The following SNX14 variants were observed in gnomAD, a reference collection of about 807,000 sequenced individuals.
SNX14 encodes the protein sorting nexin 14.
SNX14 carries 93 observed loss-of-function variants against 133.8 expected under a neutral mutation model. That is an observed-to-expected ratio of 0.70 (90% CI 0.59 to 0.83). The LOEUF is 0.83. SNX14 is among the 40% of genes least tolerant of loss of function. The pLI is 0.00. For synonymous variants in SNX14, 368 were observed against 365.6 expected (o/e 1.01, Z -0.07); for missense variants, 945 against 1,094.9 (o/e 0.86, Z 1.93).
chr6:85,520,661 T>G (rs555067975), intron 21 of SNX14, among the ~76,000 whole-genome samples: 1 of 152,290 alleles, frequency 6.6e-6, no homozygotes, highest in Non-Finnish European at 1.5e-5. Context: ...CCCAACGATT[T>G]TTTAACAATT....
chr6:85,566,893 G>C (rs1794044979), intron 5 of SNX14, among the ~76,000 whole-genome samples: 1 of 151,890 alleles, frequency 6.6e-6, no homozygotes, highest in African/African-American at 2.4e-5. Flanking sequence ...TTTCAAAATA[G>C]ATTTCTGTCA....
Position 85,505,809 on chromosome 6 carries a change from CATT to C in SNX14, c.*155_*157del. On this transcript the variant is annotated 3_prime_UTR_variant, in exon 29 of 29. Transcript: ENST00000314673. ...ACTATGAGACTCAATCACTTTTAAT[CATT>C]AAGTTTGTGTTAGTCTTTATTAAAA... The C allele has an allele frequency of 1.6e-6, 1 of 616,182 alleles. No individual in the cohort carries two copies. The highest frequency in any genetic ancestry group is 3.0e-5 in the East Asian group (1 of 33,846). 38.2% of individuals were successfully genotyped at this position (616,182 alleles called of 1,614,324 possible). A position where few individuals can be genotyped will look rare whatever the true frequency, so the allele number is the denominator to read the frequency against.
At chr6:85,564,949 A>G (rs2128165443) in intron 6 of SNX14, among the ~76,000 whole-genome samples, 1 of 151,874 alleles carries the variant, frequency 6.6e-6, no homozygotes, top group South Asian at 2.1e-4. Context: ...AGATCATGCC[A>G]CTGTACTCCA....
chr6:85,552,032 CT>C (rs71551482), intron 7 of SNX14, among the ~76,000 whole-genome samples: 4,730 of 114,100 alleles, frequency 0.041, 29 homozygotes, highest in African/African-American at 0.091. Flanking sequence ...TGTTGGGAAT[CT>C]TTTTTTTTTT....
intron 21 of SNX14, among the ~76,000 whole-genome samples, chr6:85,519,869 AAAAAC>A (rs547267611): frequency 2.0e-3 from 300 of 152,078 alleles, no homozygotes; most frequent in African/African-American, 7.0e-3. Flanking sequence ...CTCCGTCTCA[AAAAAC>A]AAAACAAAAC....
chr6:85,507,937 G>A, intron 27 of SNX14, 31 bp downstream of exon 27: 2 of 1,584,554 alleles, frequency 1.3e-6, no homozygotes, highest in Non-Finnish European at 1.7e-6. Flanking sequence ...AACCTAGCCA[G>A]CATGAGTTTA....
intron 5 of SNX14, among the ~76,000 whole-genome samples, chr6:85,566,025 G>A (rs1254658151): frequency 1.3e-5 from 2 of 152,184 alleles, no homozygotes; most frequent in African/African-American, 2.4e-5. Context: ...CTCAAAGACG[G>A]TGTTGTTAAC....
intron 15 of SNX14, 131 bp from the exon 16 acceptor site, chr6:85,538,995 T>C: frequency 1.6e-6 from 1 of 624,278 alleles, no homozygotes; most frequent in Non-Finnish European, 2.5e-6. Context: ...ATAACATTCA[T>C]TTTTGCAAAG....
chr6:85,582,423 G>A (rs1799320219), intron 1 of SNX14, among the ~76,000 whole-genome samples: 1 of 150,644 alleles, frequency 6.6e-6, no homozygotes, highest in Admixed American at 6.6e-5. Context: ...AAAGAACACT[G>A]AAAACGAGAA....
intron 7 of SNX14, among the ~76,000 whole-genome samples, chr6:85,551,739 G>A (rs1177072428): frequency 1.3e-5 from 2 of 152,146 alleles, no homozygotes; most frequent in South Asian, 2.1e-4. Context: ...ATAGAATATG[G>A]CTTCACTGGT....
At chr6:85,535,647 G>GA (rs554828319) in intron 17 of SNX14, among the ~76,000 whole-genome samples, 2 of 149,564 alleles carry the variant, frequency 1.3e-5, no homozygotes, top group Non-Finnish European at 1.5e-5. Flanking sequence ...CACTTACAGG[G>GA]AAAAAATAAA....
intron 1 of SNX14, among the ~76,000 whole-genome samples, chr6:85,586,253 G>C (rs1274399771): frequency 6.6e-6 from 1 of 152,122 alleles, no homozygotes; most frequent in Non-Finnish European, 1.5e-5. Flanking sequence ...CTCATACTAA[G>C]AAAGGTTTTA....
intron 4 of SNX14, among the ~76,000 whole-genome samples, chr6:85,569,314 C>A (rs933772244): frequency 3.9e-5 from 6 of 152,184 alleles, no homozygotes; most frequent in Non-Finnish European, 8.8e-5. Context: ...CAACTCCCTG[C>A]TTCCAAGCTC....
chr6:85,515,205 A>C (rs1482601905), intron 23 of SNX14, among the ~76,000 whole-genome samples: 1 of 150,314 alleles, frequency 6.7e-6, no homozygotes, highest in Non-Finnish European at 1.5e-5. Context: ...AGCCAGAGGT[A>C]ACAGTGAGCC....
intron 12 of SNX14, 85 bp downstream of exon 12, chr6:85,547,027 C>A: frequency 1.1e-6 from 1 of 921,736 alleles, no homozygotes; most frequent in South Asian, 1.9e-5. Context: ...TAGATGGGTA[C>A]CACAACATCA....
At position 85,565,432 on chromosome 6, in the gene SNX14, G is replaced by C. The variant is rs1459398042; in HGVS notation, c.462-13C>G. On this transcript the variant is annotated splice_polypyrimidine_tract_variant and intron_variant, in intron 5 of 28. Coordinates refer to ENST00000314673, the MANE Select transcript of SNX14 (RefSeq NM_153816.6). ...ATCTGTCACATCCCTTCAATAAGGA[G>C]AAAAACAAATATTCAGAAGTTCAGA... The C allele has an allele frequency of 2.6e-6, 4 of 1,558,272 alleles. No homozygotes were observed. In the African/African-American group the frequency reaches 5.5e-5, roughly 21 times the overall value.
At chr6:85,567,848 T>C (rs1218535553) in intron 4 of SNX14, 2 of 236,998 alleles carry the variant, frequency 8.4e-6, no homozygotes, top group African/African-American at 4.7e-5. Context: ...CTGGGTGTAG[T>C]GACGTGTACC....
intron 5 of SNX14, 26 bp from the exon 6 acceptor site, chr6:85,565,445 T>G: frequency 6.6e-7 from 1 of 1,522,222 alleles, no homozygotes; most frequent in Non-Finnish European, 9.0e-7. Context: ...AAACAAATAT[T>G]CAGAAGTTCA....
intron 1 of SNX14, among the ~76,000 whole-genome samples, chr6:85,580,703 T>G (rs977265182): frequency 6.6e-6 from 1 of 152,132 alleles, no homozygotes; most frequent in African/African-American, 2.4e-5. Context: ...AGTAGTTAGA[T>G]TGATAGAGTC....
Sources: allele counts gnomAD v4.1 joint callset (sites outside exome capture counted in the v4.1 genomes callset), GRCh38; gene constraint gnomAD v4.1.1; transcripts MANE v1.5; gene names NCBI Gene and HGNC (gene_info 2026-07-23, HGNC 2026-07-21).